TBC1D5: variants seen among roughly 807,000 people sequenced by gnomAD.
The protein encoded by TBC1D5 is TBC1 domain family, member 5.
In TBC1D5, 75 loss-of-function variants were observed where a neutral mutation model predicts 100.3. The ratio of observed to expected loss-of-function variants is 0.75; its 90% confidence interval spans 0.62 to 0.91. The LOEUF is 0.91. TBC1D5 is among the 40% of genes least tolerant of loss of function. The pLI, the probability that TBC1D5 is intolerant of heterozygous loss-of-function variation, is 0.00. For missense variants in TBC1D5, 910 were observed against 942.4 expected, an observed-to-expected ratio of 0.97 and a Z score of 0.45; for synonymous variants, 323 against 325.6, an observed-to-expected ratio of 0.99 and a Z score of 0.09.
intron 2 of TBC1D5, among the ~76,000 whole-genome samples, chr3:17,590,207 A>G (rs2096757739): frequency 6.6e-6 from 1 of 152,218 alleles, no homozygotes; most frequent in South Asian, 2.1e-4. Context: ...ATAAACAGAA[A>G]TCTGGAGAAC....
At chr3:17,386,501 G>A (rs2093158148) in intron 8 of TBC1D5, among the ~76,000 whole-genome samples, 1 of 152,060 alleles carries the variant, frequency 6.6e-6, no homozygotes, top group Non-Finnish European at 1.5e-5. Flanking sequence ...AGGTTTCTTT[G>A]CACATCGTGA....
At chr3:17,166,506 C>T (rs559379408) in intron 21 of TBC1D5, among the ~76,000 whole-genome samples, 1 of 152,330 alleles carries the variant, frequency 6.6e-6, no homozygotes, top group Admixed American at 6.5e-5. Context: ...GCAGGAGGCT[C>T]AGGCAGCACT....
exon 17 of TBC1D5, chr3:17,238,352 T>C: frequency 6.2e-7 from 1 of 1,613,942 alleles, no homozygotes; most frequent in East Asian, 2.2e-5. Flanking sequence ...GAAATCAACT[T>C]TCTTCCAAAA....
At chr3:17,173,321 A>G (rs935174055) in intron 19 of TBC1D5, among the ~76,000 whole-genome samples, 2 of 152,334 alleles carry the variant, frequency 1.3e-5, no homozygotes, top group South Asian at 4.1e-4. Flanking sequence ...AGGATGGGAT[A>G]TTGGCACTGA....
intron 17 of TBC1D5, among the ~76,000 whole-genome samples, chr3:17,230,694 A>C (rs1402549834): frequency 6.6e-6 from 1 of 152,112 alleles, no homozygotes; most frequent in East Asian, 1.9e-4. Context: ...TACAAGTATA[A>C]ATTTTAAAGA....
chr3:17,326,131 C>A (rs1393472355), intron 13 of TBC1D5, among the ~76,000 whole-genome samples: 2 of 152,232 alleles, frequency 1.3e-5, no homozygotes, highest in South Asian at 2.1e-4. Context: ...CACCCTCACA[C>A]ACAAAAATAC....
intron 3 of TBC1D5, among the ~76,000 whole-genome samples, chr3:17,493,612 T>C (rs2095665942): frequency 6.6e-6 from 1 of 152,170 alleles, no homozygotes; most frequent in Non-Finnish European, 1.5e-5. Context: ...TCTCAGAGGT[T>C]TTGTTCGTTC....
At chr3:17,442,775 T>C (rs1354365625) in intron 3 of TBC1D5, among the ~76,000 whole-genome samples, 1 of 152,146 alleles carries the variant, frequency 6.6e-6, no homozygotes, top group Non-Finnish European at 1.5e-5. Flanking sequence ...CTGCTGACAC[T>C]GGAACCTCCA....
At chr3:17,447,482 G>C (rs2094827020) in intron 3 of TBC1D5, among the ~76,000 whole-genome samples, 1 of 150,998 alleles carries the variant, frequency 6.6e-6, no homozygotes, top group Non-Finnish European at 1.5e-5. Flanking sequence ...TGAAACGGAA[G>C]AGACATCACT....
At chr3:17,381,891 G>A (rs1021341426) in intron 9 of TBC1D5, among the ~76,000 whole-genome samples, 4 of 151,670 alleles carry the variant, frequency 2.6e-5, no homozygotes, top group South Asian at 2.1e-4. Context: ...TTTTCCAGAC[G>A]GAAATCCACA....
At chr3:17,357,660 G>A (rs190714418) in intron 13 of TBC1D5, among the ~76,000 whole-genome samples, 13 of 152,162 alleles carry the variant, frequency 8.5e-5, no homozygotes, top group Admixed American at 1.3e-4. Flanking sequence ...TTACTTAGAC[G>A]TACTTAATAA....
intron 21 of TBC1D5, among the ~76,000 whole-genome samples, chr3:17,164,051 C>A (rs1575680218): frequency 6.6e-6 from 1 of 152,286 alleles, no homozygotes; most frequent in East Asian, 1.9e-4. Flanking sequence ...AGGATAGATG[C>A]TGAGAAGGGA....
At chr3:17,494,302 C>G (rs1378796537) in intron 3 of TBC1D5, among the ~76,000 whole-genome samples, 2 of 152,106 alleles carry the variant, frequency 1.3e-5, no homozygotes, top group African/African-American at 2.4e-5. Context: ...GAGCTCCGTC[C>G]CAGAGGCACA....
At chr3:17,369,018 T>C (rs1012509630) in intron 13 of TBC1D5, among the ~76,000 whole-genome samples, 21 of 152,322 alleles carry the variant, frequency 1.4e-4, no homozygotes, top group African/African-American at 4.8e-4. Context: ...ATTAAGATAT[T>C]TGTGTGATAC....
intron 8 of TBC1D5, among the ~76,000 whole-genome samples, chr3:17,396,518 T>G (rs746024385): frequency 2.0e-5 from 3 of 151,922 alleles, no homozygotes; most frequent in Non-Finnish European, 4.4e-5. Flanking sequence ...AAGTGTGACA[T>G]CAATGGACCA....
chr3:17,345,814 G>A (rs141257884), intron 13 of TBC1D5, among the ~76,000 whole-genome samples: 64 of 152,032 alleles, frequency 4.2e-4, no homozygotes, highest in Non-Finnish European at 7.6e-4. Context: ...GCAAACTATC[G>A]CAAGGACAAA....
chr3:17,700,051 C>A (rs1049153694), intron 1 of TBC1D5: 1 of 151,948 alleles, frequency 6.6e-6, no homozygotes, highest in African/African-American at 2.4e-5. Context: ...AGAGTTCTGG[C>A]AAGCTATGTG....
chr3:17,178,685 C>T (rs906197345), intron 19 of TBC1D5, among the ~76,000 whole-genome samples: 1 of 152,156 alleles, frequency 6.6e-6, no homozygotes, highest in African/African-American at 2.4e-5. Flanking sequence ...TAGGGTCTTG[C>T]TCTCTCACCT....
intron 3 of TBC1D5, among the ~76,000 whole-genome samples, chr3:17,499,342 G>C (rs1220071916): frequency 6.6e-6 from 1 of 152,160 alleles, no homozygotes; most frequent in Admixed American, 6.6e-5. Context: ...GCTTTAACAT[G>C]TGAGAAGCCA....
Sources: gnomAD v4.1 joint callset for allele counts (sites outside exome capture counted in the v4.1 genomes callset) on GRCh38, gnomAD v4.1.1 for gene constraint, MANE v1.5 for transcripts, NCBI Gene and HGNC (gene_info 2026-07-23, HGNC 2026-07-21) for gene names.